Variants in EFR3A observed in about 807,000 individuals in gnomAD.
EFR3A encodes the protein protein EFR3 homolog A.
In EFR3A, 76 loss-of-function variants were observed where a neutral mutation model predicts 104.4. That is an observed-to-expected ratio of 0.73 (90% CI 0.60 to 0.88). The LOEUF (loss-of-function observed/expected upper bound fraction) is 0.88. EFR3A is among the 40% of genes least tolerant of loss of function. The pLI, the probability that EFR3A is intolerant of heterozygous loss-of-function variation, is 0.00. For missense variants in EFR3A, 985 were observed against 1,012.5 expected (o/e 0.97, Z 0.37); for synonymous variants, 330 against 330.0 (o/e 1.00, Z 0.00).
intron 7 of EFR3A, among the ~76,000 whole-genome samples, chr8:131,956,711 T>C (rs1433874399): frequency 6.6e-6 from 1 of 152,096 alleles, no homozygotes; most frequent in Non-Finnish European, 1.5e-5. Flanking sequence ...GAGCCTTAGT[T>C]ACAAGAATCT....
In EFR3A at chr8:131,990,181, AC is replaced by A. The variant is rs778806759; in HGVS notation, c.2065+2481del. The stretch of plus-strand genomic sequence containing the variant: ...TCTCTTAAATGTATTGTTCACTTGA[AC>A]CACAAAACACAGCAGCTGATTTGGT... On this transcript the variant is annotated intron_variant, in intron 18 of 22. Transcript: ENST00000254624. 1.5e-3 allele frequency among the ~76,000 whole-genome samples: 236 copies of A among 152,326 alleles called. 3 individuals carry two copies. The highest frequency in any genetic ancestry group is 2.4e-4 in the Non-Finnish European group (16 of 68,028).
intron 1 of EFR3A, among the ~76,000 whole-genome samples, chr8:131,916,616 A>G (rs1452267958): frequency 6.6e-6 from 1 of 152,196 alleles, no homozygotes; most frequent in African/African-American, 2.4e-5. Flanking sequence ...ACTCTTGAGG[A>G]ACATGTTTAT....
intron 19 of EFR3A, among the ~76,000 whole-genome samples, chr8:131,998,930 A>G (rs1401801411): frequency 6.6e-6 from 1 of 152,012 alleles, no homozygotes; most frequent in African/African-American, 2.4e-5. Context: ...AAATTAACGT[A>G]TTCAAGAAGA....
chr8:131,931,876 C>G (rs113442869), intron 1 of EFR3A, among the ~76,000 whole-genome samples: 2,998 of 152,124 alleles, frequency 0.02, 45 homozygotes, highest in Middle Eastern at 0.051. Context: ...GAAAATTTGA[C>G]TATTTGATAC....
rs1039062630 is a variant in EFR3A at position 131,968,216 on chromosome 8, GGT to G, written c.856-76_856-75del. 6.5e-6 allele frequency: 9 copies of G among 1,391,792 alleles called. No individual in the cohort carries two copies. In the African/African-American group the frequency reaches 1.3e-4, roughly 20 times the overall value. 86.2% of individuals were successfully genotyped at this position (1,391,792 alleles called of 1,614,324 possible). A position where few individuals can be genotyped will look rare whatever the true frequency, so the allele number is the denominator to read the frequency against. Reference sequence around the variant, plus strand: ...TCACTAATTGGTCATTTACGTGTCAGGTGTTTTTTTTATTCTTAGGAATTCTG... The same window carrying G: ...TCACTAATTGGTCATTTACGTGTCAGGTTTTTTTTATTCTTAGGAATTCTG... On this transcript the variant is annotated intron_variant, in intron 8 of 22. Coordinates refer to ENST00000254624, the MANE Select transcript of EFR3A (RefSeq NM_015137.6).
chr8:131,987,196 A>G (rs1036630232), intron 17 of EFR3A, among the ~76,000 whole-genome samples: 2 of 152,160 alleles, frequency 1.3e-5, no homozygotes, highest in African/African-American at 2.4e-5. Context: ...GTTTTCATTA[A>G]CAATCAGTGG....
intron 19 of EFR3A, 26 bp from the exon 20 acceptor site, chr8:132,001,733 C>T (rs543936986): frequency 2.2e-5 from 35 of 1,604,684 alleles, no homozygotes; most frequent in African/African-American, 1.5e-4. Flanking sequence ...TTTTAACTCT[C>T]GATTTCACTT....
Position 131,946,486 on chromosome 8 carries a change from T to C in EFR3A, c.219T>C (p.Tyr73=). ...SRDVVRHRSG[Y]VLIAMEALDQ... ...ATTCTTTTTCTCCTACATGTAGGTA[T>C]GTTTTGATTGCTATGGAGGCACTGG... is the stretch of plus-strand genomic sequence containing the variant. Residue 73 remains tyrosine, a synonymous_variant, in exon 4 of 23, where the codon TAT becomes TAC. Transcript: ENST00000254624. 1 of 1,570,928 alleles carries C rather than the reference T, an allele frequency of 6.4e-7. No homozygotes were observed. The highest frequency in any genetic ancestry group is 8.6e-7 in the Non-Finnish European group (1 of 1,160,148).
chr8:131,953,774 AT>A (rs34136191), intron 5 of EFR3A, 43 bp from the exon 6 acceptor site: 11 of 1,478,018 alleles, frequency 7.4e-6, no homozygotes, highest in South Asian at 1.4e-5. Flanking sequence ...TGTTTAAATA[AT>A]TTTTTTATGG....
At chr8:131,953,332 G>C (rs1380507714) in intron 5 of EFR3A, among the ~76,000 whole-genome samples, 1 of 151,924 alleles carries the variant, frequency 6.6e-6, no homozygotes. Flanking sequence ...GTTCTTATTT[G>C]TAATACCTTT....
At position 132,003,281 on chromosome 8, in the gene EFR3A, A is replaced by G. The variant is rs147579193; in HGVS notation, c.2356A>G (p.Ile786Val). The G allele has an allele frequency of 5.8e-3, 9,414 of 1,612,436 alleles. 43 individuals carry two copies. Among genetic ancestry groups the G allele is most frequent in the Non-Finnish European group, 7.0e-3 (8,256 of 1,179,038 alleles). The change falls in exon 22 of 23, where the codon ATA becomes GTA. Residue 786 changes from isoleucine to valine, a missense_variant. By Grantham distance (29) the Ile-to-Val change is conservative (BLOSUM62 3). Coordinates refer to ENST00000254624, the MANE Select transcript of EFR3A (RefSeq NM_015137.6). ...DRLAQILELT[I>V]RPPPSPSGTL... ...ACTTGCCCAAATATTGGAACTCACC[A>G]TACGGTAAGGGTTTTGTTATCACAA...
chr8:131,970,673 A>T, intron 10 of EFR3A, 30 bp downstream of exon 10: 1 of 1,593,536 alleles, frequency 6.3e-7, no homozygotes, highest in Non-Finnish European at 8.6e-7. Context: ...CAAAACTATC[A>T]TGTAAAACAG....
intron 1 of EFR3A, among the ~76,000 whole-genome samples, chr8:131,914,800 C>T (rs1477585051): frequency 6.6e-6 from 1 of 152,136 alleles, no homozygotes; most frequent in Non-Finnish European, 1.5e-5. Flanking sequence ...CTGCTCCTCT[C>T]TCTTTTCCCA....
In EFR3A at chr8:131,952,763, G is replaced by A. The variant is rs76779183; in HGVS notation, c.489-1055G>A. Among the ~76,000 whole-genome samples, 1,315 of 152,164 alleles carry A rather than the reference G, an allele frequency of 8.6e-3. 17 individuals are homozygous for A. The highest frequency in any genetic ancestry group is 0.01 in the Non-Finnish European group (698 of 68,008). ...CCAATTCATTTTTCTCACCTGTTCA[G>A]TATCATATTACTGCCACCTCCCATT... is the stretch of plus-strand genomic sequence containing the variant. On this transcript the variant is annotated intron_variant, in intron 5 of 22. Coordinates refer to ENST00000254624, the MANE Select transcript of EFR3A (RefSeq NM_015137.6).
At chr8:131,947,831 CTT>C (rs754434497) in intron 4 of EFR3A, among the ~76,000 whole-genome samples, 39 of 151,980 alleles carry the variant, frequency 2.6e-4, no homozygotes, top group Non-Finnish European at 5.0e-4. Flanking sequence ...TCTTGGCAGT[CTT>C]TTAAAAATAA....
intron 1 of EFR3A, among the ~76,000 whole-genome samples, chr8:131,911,682 G>T (rs545240352): frequency 4.5e-4 from 69 of 152,298 alleles, no homozygotes; most frequent in South Asian, 1.7e-3. Context: ...AAAGATACGG[G>T]GGAAAATGCC....
intron 1 of EFR3A, among the ~76,000 whole-genome samples, chr8:131,932,652 T>C (rs1314642388): frequency 6.6e-6 from 1 of 152,120 alleles, no homozygotes; most frequent in Non-Finnish European, 1.5e-5. Context: ...TGGAAGTAAG[T>C]TCCTATAGAA....
chr8:131,994,544 T>A (rs1017687393), intron 18 of EFR3A, among the ~76,000 whole-genome samples: 30 of 152,170 alleles, frequency 2.0e-4, no homozygotes, highest in African/African-American at 7.0e-4. Context: ...CTGCATTTGT[T>A]TAACAATTAT....
intron 14 of EFR3A, among the ~76,000 whole-genome samples, chr8:131,981,735 C>T (rs1057110224): frequency 1.3e-5 from 2 of 152,016 alleles, no homozygotes; most frequent in African/African-American, 4.8e-5. Flanking sequence ...GCAACTGTGT[C>T]TTAAATTACT....
Sources: gnomAD v4.1 joint callset for allele counts (sites outside exome capture counted in the v4.1 genomes callset) on GRCh38, gnomAD v4.1.1 for gene constraint, MANE v1.5 for transcripts, NCBI Gene and HGNC (gene_info 2026-07-23, HGNC 2026-07-21) for gene names.